DCHS2: variants seen among roughly 807,000 people sequenced by gnomAD.
DCHS2 encodes protocadherin-23.
DCHS2 carries 142 observed loss-of-function variants against 182.4 expected under a neutral mutation model. That is an observed-to-expected ratio of 0.78 (90% CI 0.68 to 0.89). The LOEUF (loss-of-function observed/expected upper bound fraction) is 0.89, where lower values mean the gene tolerates loss of function less well. Ranked by LOEUF, DCHS2 falls within the 40% of genes least tolerant of loss-of-function variation. The probability of loss-of-function intolerance (pLI) is 0.00; values close to 1 mark genes in which losing one functional copy is unlikely to be tolerated. For synonymous variants in DCHS2, 1,740 were observed against 1,663.3 expected (o/e 1.05, Z -1.12); for missense variants, 4,319 against 4,198.6 (o/e 1.03, Z -0.79).
At chr4:154,305,675 G>A (rs1460565437) in intron 10 of DCHS2, among the ~76,000 whole-genome samples, 1 of 152,122 alleles carries the variant, frequency 6.6e-6, no homozygotes, top group Non-Finnish European at 1.5e-5. Context: ...CTCAAGAAGC[G>A]AGCACCTAGA....
At chr4:154,304,160 T>C (rs1265371119) in intron 12 of DCHS2, among the ~76,000 whole-genome samples, 1 of 151,556 alleles carries the variant, frequency 6.6e-6, no homozygotes, top group African/African-American at 2.4e-5. Flanking sequence ...AGAGACTGGA[T>C]GAAATGACCC....
In DCHS2 at chr4:154,489,401, G is replaced by GTGA. The variant is rs1560788621; in HGVS notation, c.1952_1954dup (p.Ile651dup). The GTGA allele has an allele frequency of 6.4e-7, 1 of 1,551,660 alleles. No homozygotes were observed. Among genetic ancestry groups the GTGA allele is most frequent in the Admixed American group, 2.0e-5 (1 of 51,010 alleles). ...CTCATTGTCATTCACATCATCTACGGTGATGCTCACCAGGCAGGTGGCAGA... is the reference window on the plus strand; with the variant it reads ...CTCATTGTCATTCACATCATCTACGGTGATGATGCTCACCAGGCAGGTGGCAGA... On this transcript the variant is annotated inframe_insertion, in exon 1 of 20. Coordinates refer to ENST00000357232, the MANE Select transcript of DCHS2 (RefSeq NM_001358235.2).
intron 14 of DCHS2, 25 bp downstream of exon 14, chr4:154,269,875 C>T: frequency 1.3e-6 from 2 of 1,594,010 alleles, no homozygotes; most frequent in Non-Finnish European, 1.7e-6. Context: ...GAAAATAAAG[C>T]TAGTATAGGG....
At chr4:154,317,515 GA>G (rs1296947551) in intron 9 of DCHS2, among the ~76,000 whole-genome samples, 1 of 152,184 alleles carries the variant, frequency 6.6e-6, no homozygotes, top group African/African-American at 2.4e-5. Context: ...CTATAATCAT[GA>G]CTTCCAAATC....
chr4:154,428,671 C>T (rs578058795), intron 1 of DCHS2, among the ~76,000 whole-genome samples: 4 of 152,030 alleles, frequency 2.6e-5, no homozygotes, highest in East Asian at 1.9e-4. Flanking sequence ...AAGGGCAAGG[C>T]GGGTGGATCA....
intron 3 of DCHS2, among the ~76,000 whole-genome samples, chr4:154,348,169 T>C (rs1183551221): frequency 1.3e-5 from 2 of 151,988 alleles, no homozygotes; most frequent in Non-Finnish European, 2.9e-5. Context: ...ACTATTATTC[T>C]CTCTCACTTT....
chr4:154,392,906 T>A (rs1042870532), intron 1 of DCHS2, among the ~76,000 whole-genome samples: 1 of 152,218 alleles, frequency 6.6e-6, no homozygotes, highest in African/African-American at 2.4e-5. Flanking sequence ...TTGAGTCTTA[T>A]CACTTCATTG....
intron 1 of DCHS2, among the ~76,000 whole-genome samples, chr4:154,455,308 A>G (rs1238716231): frequency 6.6e-6 from 1 of 152,234 alleles, no homozygotes; most frequent in Non-Finnish European, 1.5e-5. Flanking sequence ...GATCTGGGCC[A>G]TTTTATGTAA....
intron 12 of DCHS2, chr4:154,298,930 C>T (rs1371792378): frequency 2.2e-6 from 1 of 463,158 alleles, no homozygotes; most frequent in African/African-American, 2.0e-5. Context: ...TAATATGATT[C>T]AATGCCTATC....
chr4:154,405,937 A>G (rs1732381940), intron 1 of DCHS2, among the ~76,000 whole-genome samples: 1 of 152,206 alleles, frequency 6.6e-6, no homozygotes, highest in Admixed American at 6.5e-5. Flanking sequence ...TAAAGAGTTG[A>G]CATTTTGTCC....
At chr4:154,238,287 C>T (rs1009547566) in intron 19 of DCHS2, among the ~76,000 whole-genome samples, 1 of 152,146 alleles carries the variant, frequency 6.6e-6, no homozygotes, top group South Asian at 2.1e-4. Context: ...TTACAACACC[C>T]GGTGGGCTTC....
intron 1 of DCHS2, among the ~76,000 whole-genome samples, chr4:154,383,244 C>T (rs1156952211): frequency 6.6e-6 from 1 of 152,100 alleles, no homozygotes; most frequent in Non-Finnish European, 1.5e-5. Context: ...GAACAGAAAA[C>T]CAAATACTGC....
At chr4:154,242,822 A>G in intron 16 of DCHS2, 50 bp from the exon 17 acceptor site, 2 of 1,555,918 alleles carry the variant, frequency 1.3e-6, no homozygotes, top group Non-Finnish European at 1.7e-6. Flanking sequence ...CAGGAATTAG[A>G]AAAACAACAT....
chr4:154,409,840 C>T (rs1732548820), intron 1 of DCHS2, among the ~76,000 whole-genome samples: 2 of 152,324 alleles, frequency 1.3e-5, no homozygotes, highest in Middle Eastern at 3.4e-3. Flanking sequence ...CCCTAACAAC[C>T]TATGCTCTTG....
intron 1 of DCHS2, among the ~76,000 whole-genome samples, chr4:154,435,579 G>A (rs1291875701): frequency 6.8e-6 from 1 of 148,114 alleles, no homozygotes; most frequent in Non-Finnish European, 1.5e-5. Context: ...CTGGGCAACA[G>A]AGTGAGACTC....
Position 154,489,886 on chromosome 4 carries a change from G to C in DCHS2, c.1470C>G (p.Phe490Leu). ...TGTCCAGGGGCCCCTCCACGCAAAGGAAAAATACCCCTGGGGGGCCGCCGG... is the reference window on the plus strand; with the variant it reads ...TGTCCAGGGGCCCCTCCACGCAAAGCAAAAATACCCCTGGGGGGCCGCCGG... The part of the protein sequence containing the change: ...LLPGGPPGVF[F>L]LCVEGPLDRE... The change falls in exon 1 of 20, where the codon TTC (phenylalanine) becomes TTG (leucine). Residue 490 changes from phenylalanine (F) to leucine (L), a missense_variant. By Grantham distance (22) the Phe-to-Leu change is conservative (BLOSUM62 0). Transcript: ENST00000357232. 2 of 1,540,962 alleles carry C rather than the reference G, an allele frequency of 1.3e-6. No homozygotes were observed. The highest frequency in any genetic ancestry group is 8.8e-7 in the Non-Finnish European group (1 of 1,140,660).
intron 2 of DCHS2, among the ~76,000 whole-genome samples, chr4:154,366,711 G>T (rs115211834): frequency 0.024 from 3,673 of 152,028 alleles, 98 homozygotes; most frequent in Admixed American, 0.055. Flanking sequence ...TTTGATGTAT[G>T]AATTCATAGG....
chr4:154,443,187 A>C (rs935135469), intron 1 of DCHS2, among the ~76,000 whole-genome samples: 1 of 152,114 alleles, frequency 6.6e-6, no homozygotes, highest in Admixed American at 6.6e-5. Flanking sequence ...ATCGCTCCTA[A>C]GTTAGTTAAA....
At chr4:154,470,444 C>T (rs1052536582) in intron 1 of DCHS2, among the ~76,000 whole-genome samples, 11 of 150,440 alleles carry the variant, frequency 7.3e-5, no homozygotes, top group African/African-American at 2.7e-4. Context: ...GCCATGATTG[C>T]ACCACTGTAC....
Sources: allele counts gnomAD v4.1 joint callset (sites outside exome capture counted in the v4.1 genomes callset), GRCh38; gene constraint gnomAD v4.1.1; transcripts MANE v1.5; gene names NCBI Gene and HGNC (gene_info 2026-07-23, HGNC 2026-07-21).